The following LARGE1 variants were observed in gnomAD, a reference collection of about 807,000 sequenced individuals.
LARGE1 encodes the protein xylosyl- and glucuronyltransferase LARGE1.
Under a neutral mutation model 87.6 loss-of-function variants are expected in LARGE1, and 43 were observed. That is an observed-to-expected ratio of 0.49 (90% confidence interval 0.38 to 0.63). The LOEUF is 0.63. Among genes scored for constraint, LARGE1 ranks in the 30% least tolerant of loss-of-function variants. The probability of loss-of-function intolerance (pLI) is 0.00; values close to 1 mark genes in which losing one functional copy is unlikely to be tolerated. For missense variants in LARGE1, 802 were observed against 1,000.2 expected (o/e 0.80, Z 2.67); for synonymous variants, 434 against 394.6 (o/e 1.10, Z -1.18).
chr22:33,221,896 G>A (rs137466), intron 11 of LARGE1: 6,366 of 152,248 alleles, frequency 0.042, 195 homozygotes, highest in Admixed American at 0.088. Flanking sequence ...TTATATGACA[G>A]CAATAAGAAC....
At chr22:33,648,854 G>T (rs1019537803) in intron 3 of LARGE1, among the ~76,000 whole-genome samples, 1 of 152,162 alleles carries the variant, frequency 6.6e-6, no homozygotes, top group Non-Finnish European at 1.5e-5. Context: ...GAGGGAAAGG[G>T]GTTCTGTCTT....
At chr22:33,691,270 A>G (rs1224996977) in intron 2 of LARGE1, among the ~76,000 whole-genome samples, 1 of 151,412 alleles carries the variant, frequency 6.6e-6, no homozygotes, top group Non-Finnish European at 1.5e-5. Flanking sequence ...GGGAGGGAGG[A>G]GAGAGGGAGG....
At chr22:33,770,232 G>A (rs1253025795) in intron 1 of LARGE1, among the ~76,000 whole-genome samples, 1 of 152,158 alleles carries the variant, frequency 6.6e-6, no homozygotes, top group Non-Finnish European at 1.5e-5. Context: ...ATTAAAATGT[G>A]TAACTCATCC....
chr22:33,536,805 T>A (rs1442540286), intron 6 of LARGE1, among the ~76,000 whole-genome samples: 2 of 148,940 alleles, frequency 1.3e-5, no homozygotes, highest in Non-Finnish European at 3.0e-5. Flanking sequence ...CCATTTATTT[T>A]ATTTATTTAT....
At chr22:33,863,662 G>C (rs1221183232) in intron 1 of LARGE1, among the ~76,000 whole-genome samples, 1 of 151,988 alleles carries the variant, frequency 6.6e-6, no homozygotes, top group Non-Finnish European at 1.5e-5. Flanking sequence ...CAGTTACTCA[G>C]GAGGCTGAAG....
intron 4 of LARGE1, among the ~76,000 whole-genome samples, chr22:33,620,879 G>A (rs180692209): frequency 6.6e-6 from 1 of 152,052 alleles, no homozygotes; most frequent in South Asian, 2.1e-4. Context: ...ATTGCATCAA[G>A]ATCAGGCCAC....
intron 5 of LARGE1, among the ~76,000 whole-genome samples, chr22:33,573,522 C>T (rs1323830470): frequency 6.6e-6 from 1 of 152,140 alleles, no homozygotes; most frequent in Non-Finnish European, 1.5e-5. Context: ...CAGTTGAGAT[C>T]ATTTAATGAG....
intron 11 of LARGE1, among the ~76,000 whole-genome samples, chr22:33,184,286 T>C (rs994108343): frequency 9.3e-4 from 141 of 151,286 alleles, no homozygotes; most frequent in Admixed American, 1.6e-3. Context: ...CAAAGTATAA[T>C]GAAATACCTA....
chr22:33,155,577 G>T, the LARGE1 span, among the ~76,000 whole-genome samples: 2 of 152,130 alleles, frequency 1.3e-5, no homozygotes, highest in Admixed American at 6.5e-5. Flanking sequence ...GAGGTGACTT[G>T]GTTGCTGTTA....
At chr22:33,702,034 C>T (rs1256425483) in intron 2 of LARGE1, among the ~76,000 whole-genome samples, 2 of 152,212 alleles carry the variant, frequency 1.3e-5, no homozygotes, top group Non-Finnish European at 2.9e-5. Flanking sequence ...TCCTTCTCAT[C>T]TGCAAGAGCC....
chr22:33,302,540 G>C (rs1431432493), intron 12 of LARGE1, among the ~76,000 whole-genome samples: 1 of 152,154 alleles, frequency 6.6e-6, no homozygotes, highest in African/African-American at 2.4e-5. Context: ...AGGGCACGGA[G>C]GGTATGCAGG....
At chr22:33,211,166 C>A (rs1271775905) in intron 11 of LARGE1, among the ~76,000 whole-genome samples, 1 of 152,128 alleles carries the variant, frequency 6.6e-6, no homozygotes, top group Non-Finnish European at 1.5e-5. Flanking sequence ...GCTCCATGAA[C>A]CATGTAAGAC....
intron 2 of LARGE1, among the ~76,000 whole-genome samples, chr22:33,755,673 G>A (rs1224525421): frequency 1.3e-5 from 2 of 152,104 alleles, no homozygotes; most frequent in African/African-American, 4.8e-5. Flanking sequence ...AAGGAGCCAC[G>A]TCCTCAGGTC....
intron 6 of LARGE1, among the ~76,000 whole-genome samples, chr22:33,534,472 A>G (rs1004388043): frequency 3.3e-5 from 5 of 152,004 alleles, no homozygotes; most frequent in African/African-American, 1.2e-4. Context: ...TCCACGAGTG[A>G]GGGTCCAGTC....
At chr22:33,269,867 T>A (rs1928152851), downstream of LARGE1, among the ~76,000 whole-genome samples, 1 of 151,590 alleles carries the variant, frequency 6.6e-6, no homozygotes, top group African/African-American at 2.4e-5. Context: ...TAGGTGGGCG[T>A]GGTGGCGGGC....
chr22:33,488,043 G>T (rs546847598), intron 6 of LARGE1, among the ~76,000 whole-genome samples: 38 of 152,196 alleles, frequency 2.5e-4, no homozygotes, highest in Non-Finnish European at 3.8e-4. Flanking sequence ...TTGTTTCCCA[G>T]AAAAGAGGTT....
chr22:33,561,482 T>C (rs755684771), intron 6 of LARGE1, among the ~76,000 whole-genome samples: 10 of 152,194 alleles, frequency 6.6e-5, no homozygotes, highest in Non-Finnish European at 1.0e-4. Context: ...GTGAGAAGCA[T>C]ACCATACCCA....
chr22:33,522,418 A>C (rs2071650529), intron 6 of LARGE1, among the ~76,000 whole-genome samples: 1 of 152,214 alleles, frequency 6.6e-6, no homozygotes, highest in Non-Finnish European at 1.5e-5. Context: ...AATAAATGGT[A>C]TCTCTGGTGC....
At chr22:33,448,799 AAATGTTAGT>A (rs1231561813) in intron 6 of LARGE1, among the ~76,000 whole-genome samples, 1 of 150,068 alleles carries the variant, frequency 6.7e-6, no homozygotes, top group Non-Finnish European at 1.5e-5. Context: ...GCAGTTCAGC[AAATGTTAGT>A]AACTGGGTGC....
Sources: allele counts gnomAD v4.1 joint callset (sites outside exome capture counted in the v4.1 genomes callset), GRCh38; gene constraint gnomAD v4.1.1; transcripts MANE v1.5; gene names NCBI Gene and HGNC (gene_info 2026-07-23, HGNC 2026-07-21).